FAT3: variants seen among roughly 807,000 people sequenced by gnomAD.
The protein encoded by FAT3 is FAT atypical cadherin 3, also known as protocadherin Fat 3.
In FAT3, 95 loss-of-function variants were observed where a neutral mutation model predicts 310.2. The observed-to-expected ratio is 0.31, with a 90% CI of 0.26 to 0.36. The LOEUF (loss-of-function observed/expected upper bound fraction) is 0.36, where lower values mean the gene tolerates loss of function less well. Among genes scored for constraint, FAT3 ranks in the 10% least tolerant of loss-of-function variants. FAT3 has a pLI of 1.00. For synonymous variants in FAT3, 2,314 were observed against 2,192.9 expected, an observed-to-expected ratio of 1.06 and a Z score of -1.54; for missense variants, 5,408 against 5,715.6, an observed-to-expected ratio of 0.95 and a Z score of 1.74.
intron 3 of FAT3, among the ~76,000 whole-genome samples, chr11:92,588,091 G>C (rs1415589227): frequency 6.6e-6 from 1 of 151,952 alleles, no homozygotes; most frequent in Non-Finnish European, 1.5e-5. Flanking sequence ...TCAAGAGGTT[G>C]ACTGTATAGG....
At chr11:92,795,296 A>G (rs1299790789) in intron 9 of FAT3, among the ~76,000 whole-genome samples, 1 of 152,152 alleles carries the variant, frequency 6.6e-6, no homozygotes, top group Non-Finnish European at 1.5e-5. Flanking sequence ...TCTCCTCTCA[A>G]TCATTCAACA....
intron 2 of FAT3, among the ~76,000 whole-genome samples, chr11:92,388,885 A>G (rs1949686581): frequency 1.3e-5 from 2 of 152,204 alleles, no homozygotes; most frequent in African/African-American, 4.8e-5. Context: ...GTTGAAGGTC[A>G]TGTCCCTTTC....
chr11:92,693,994 T>G lies in FAT3; in HGVS notation c.3608-3390T>G, dbSNP rs557038328. Among the ~76,000 whole-genome samples the G allele has an allele frequency of 5.9e-5, 9 of 152,320 alleles. No individual in the cohort carries two copies. The South Asian group carries it at 1.9e-3, about 32-fold the overall frequency. On this transcript the variant is annotated intron_variant, in intron 3 of 27. Coordinates refer to ENST00000525166, the MANE Select transcript of FAT3 (RefSeq NM_001367949.2). ...CCTACCTTTTCCAAACATAAAAGAC[T>G]TATTAAAACCTTAAAGTCAGGGTTT...
At chr11:92,462,928 T>G (rs150094421) in intron 2 of FAT3, among the ~76,000 whole-genome samples, 84 of 152,338 alleles carry the variant, frequency 5.5e-4, no homozygotes, top group African/African-American at 2.0e-3. Flanking sequence ...TGTTGCCCAT[T>G]GGCATTTTTT....
chr11:92,807,490 C>T (rs1215123263), intron 12 of FAT3, among the ~76,000 whole-genome samples: 3 of 152,114 alleles, frequency 2.0e-5, no homozygotes, highest in Non-Finnish European at 4.4e-5. Flanking sequence ...ATCAAGTAAG[C>T]GGACATCTCT....
At chr11:92,662,631 C>T (rs1302705179) in intron 3 of FAT3, among the ~76,000 whole-genome samples, 1 of 152,172 alleles carries the variant, frequency 6.6e-6, no homozygotes, top group East Asian at 1.9e-4. Context: ...CACATTTTCC[C>T]TCTTCTTGTG....
chr11:92,834,759 A>T lies in FAT3; in HGVS notation c.9872-111A>T, dbSNP rs538351677. ...AAGGCATTAAATAAACAAATTCCTG[A>T]ATGTTTAAATTCTTGGCTGGAGAGG... On this transcript the variant is annotated intron_variant, in intron 14 of 27. Coordinates refer to ENST00000525166, the MANE Select transcript of FAT3 (RefSeq NM_001367949.2). 7.4e-5 allele frequency: 72 copies of T among 973,222 alleles called. No homozygotes were observed. In the African/African-American group the frequency reaches 1.1e-3, roughly 15 times the overall value. The allele number at this position is 973,222 out of a possible 1,614,324, so 60.3% of individuals were successfully genotyped here. A position where few individuals can be genotyped will look rare whatever the true frequency, so the allele number is the denominator to read the frequency against.
intron 22 of FAT3, among the ~76,000 whole-genome samples, chr11:92,874,233 A>C (rs1046839903): frequency 6.6e-6 from 1 of 152,202 alleles, no homozygotes; most frequent in Admixed American, 6.5e-5. Flanking sequence ...AAATCCCTAG[A>C]TATCTCTTAG....
intron 3 of FAT3, among the ~76,000 whole-genome samples, chr11:92,688,149 A>G (rs1281021069): frequency 6.6e-6 from 1 of 152,124 alleles, no homozygotes; most frequent in Non-Finnish European, 1.5e-5. Context: ...CTGTAGAGCT[A>G]TGATCATGCC....
intron 6 of FAT3, among the ~76,000 whole-genome samples, chr11:92,771,314 G>C (rs78174461): frequency 1.3e-5 from 2 of 152,112 alleles, no homozygotes; most frequent in East Asian, 3.9e-4. Flanking sequence ...CGATTTGGAC[G>C]TGGTTTCCTA....
intron 2 of FAT3, among the ~76,000 whole-genome samples, chr11:92,522,273 T>C (rs778329237): frequency 6.6e-6 from 1 of 152,174 alleles, no homozygotes; most frequent in Non-Finnish European, 1.5e-5. Context: ...TGGCACTGAC[T>C]GCTATGAGAG....
chr11:92,761,897 C>A lies in FAT3; in HGVS notation c.3711C>A (p.Thr1237=), dbSNP rs1169672524. ...GTGGTCCCTCTCCAAAACAGTCAAC[C>A]ATTTGGGTGGTGGTTCAGGTTCTAG... ...TDGGPSPKQS[T]IWVVVQVLDE... Residue 1237 remains threonine (T), a synonymous_variant, in exon 5 of 28, where the codon ACC becomes ACA. Transcript: ENST00000525166. 1 of 1,613,858 alleles carries A rather than the reference C, an allele frequency of 6.2e-7. No individual in the cohort carries two copies. The highest frequency in any genetic ancestry group is 2.2e-5 in the East Asian group (1 of 44,878).
chr11:92,494,200 G>T (rs764904760), intron 2 of FAT3, among the ~76,000 whole-genome samples: 1 of 151,928 alleles, frequency 6.6e-6, no homozygotes. Flanking sequence ...ACAACATGGA[G>T]GAAACTGCCC....
chr11:92,726,013 A>G (rs1384444370), intron 4 of FAT3, among the ~76,000 whole-genome samples: 2 of 152,172 alleles, frequency 1.3e-5, no homozygotes, highest in Non-Finnish European at 2.9e-5. Context: ...TTTACTAAGG[A>G]AAAAATAATT....
chr11:92,534,094 C>T (rs573716830), intron 3 of FAT3, among the ~76,000 whole-genome samples: 1 of 152,294 alleles, frequency 6.6e-6, no homozygotes, highest in South Asian at 2.1e-4. Flanking sequence ...GCCCGCCTCT[C>T]TCCATTCTTG....
At chr11:92,307,805 C>T (rs1947180139) in intron 1 of FAT3, among the ~76,000 whole-genome samples, 1 of 152,150 alleles carries the variant, frequency 6.6e-6, no homozygotes, top group Non-Finnish European at 1.5e-5. Context: ...TTTCCCTCCT[C>T]AGCTTGTGTC....
At chr11:92,441,710 C>T (rs1951067182) in intron 2 of FAT3, among the ~76,000 whole-genome samples, 1 of 152,108 alleles carries the variant, frequency 6.6e-6, no homozygotes, top group South Asian at 2.1e-4. Flanking sequence ...CACCACAAAA[C>T]AGATTTTCTG....
At chr11:92,751,025 G>A (rs1945814138) in intron 4 of FAT3, among the ~76,000 whole-genome samples, 1 of 152,180 alleles carries the variant, frequency 6.6e-6, no homozygotes, top group African/African-American at 2.4e-5. Context: ...GCAGGATAGA[G>A]CAGCCAAAGC....
chr11:92,518,816 A>G (rs867097001), intron 2 of FAT3, among the ~76,000 whole-genome samples: 2 of 152,282 alleles, frequency 1.3e-5, no homozygotes, highest in Middle Eastern at 3.4e-3. Flanking sequence ...CAAAAACATG[A>G]AATGTTTAGG....
Sources: allele counts gnomAD v4.1 joint callset (sites outside exome capture counted in the v4.1 genomes callset), GRCh38; gene constraint gnomAD v4.1.1; transcripts MANE v1.5; gene names NCBI Gene and HGNC (gene_info 2026-07-23, HGNC 2026-07-21).